HAO2: variants seen among roughly 807,000 people sequenced by gnomAD.
HAO2 encodes the protein 2-Hydroxyacid oxidase 2.
A neutral mutation model predicts 37.4 loss-of-function variants in HAO2; 42 were observed. The ratio of observed to expected loss-of-function variants is 1.12; its 90% CI spans 0.88 to 1.45. The LOEUF is 1.45. HAO2 is among the 40% of genes most tolerant of loss of function. HAO2 has a pLI of 0.00. For synonymous variants in HAO2, 180 were observed against 162.8 expected (o/e 1.11, Z -0.81); for missense variants, 476 against 430.2 (o/e 1.11, Z -0.94).
chr1:119,388,070 C>T (rs1650529446), intron 5 of HAO2, among the ~76,000 whole-genome samples: 1 of 152,168 alleles, frequency 6.6e-6, no homozygotes. Flanking sequence ...GGGTCTCCTG[C>T]TTTTCATCTC....
chr1:119,385,933 C>A, intron 4 of HAO2: 1 of 970,790 alleles, frequency 1.0e-6, no homozygotes, highest in South Asian at 4.8e-5. Flanking sequence ...TTGCTTAGTT[C>A]TTATCCTGGG....
chr1:119,385,510 AG>A (rs1386038525), intron 4 of HAO2: 21 of 821,574 alleles, frequency 2.6e-5, no homozygotes, highest in Non-Finnish European at 2.6e-5. Context: ...TAGACAGGCC[AG>A]GTTCTACCTT....
intron 5 of HAO2, 150 bp from the exon 6 acceptor site, chr1:119,391,960 A>G (rs1182572302): frequency 3.6e-6 from 2 of 549,468 alleles, no homozygotes; most frequent in Non-Finnish European, 6.3e-6. Flanking sequence ...CTGCCGCTGC[A>G]GTTGATCAGC....
intron 1 of HAO2, among the ~76,000 whole-genome samples, chr1:119,369,349 A>G (rs1648774799): frequency 6.6e-6 from 1 of 152,234 alleles, no homozygotes; most frequent in Admixed American, 6.5e-5. Flanking sequence ...GTCTCAAACA[A>G]TGTAGTTCCT....
At chr1:119,376,989 C>T (rs1649525916) in intron 1 of HAO2, among the ~76,000 whole-genome samples, 1 of 152,218 alleles carries the variant, frequency 6.6e-6, no homozygotes, top group East Asian at 1.9e-4. Context: ...CTCCTCGTTA[C>T]ATATGCAAAT....
chr1:119,388,655 C>T (rs1557855239), intron 5 of HAO2, among the ~76,000 whole-genome samples: 1 of 152,190 alleles, frequency 6.6e-6, no homozygotes, highest in African/African-American at 2.4e-5. Flanking sequence ...CCTCACTTGC[C>T]TCACCTTAAT....
intron 5 of HAO2, among the ~76,000 whole-genome samples, 170 bp from the exon 6 acceptor site, chr1:119,391,940 A>G (rs1157498841): frequency 1.3e-5 from 2 of 152,156 alleles, no homozygotes; most frequent in African/African-American, 4.8e-5. Context: ...GGAGGGCCTC[A>G]GGAATGTGAC....
chr1:119,386,628 G>A lies in HAO2; in HGVS notation c.568G>A (p.Ala190Thr), dbSNP rs1329680904. ...CCCTTTTTATTTCCTATAGGGAAAT[G>A]CAATACCTTATTTCCAGATGACTCC... ...TDLQSPKKGN[A>T]IPYFQMTPIS... Residue 190 changes from alanine to threonine, a missense_variant, in exon 5 of 8, where the codon GCA becomes ACA. Transcript: ENST00000325945. The A allele has an allele frequency of 3.8e-6, 6 of 1,592,728 alleles. No individual in the cohort carries two copies. Among genetic ancestry groups the A allele is most frequent in the East Asian group, 4.5e-5 (2 of 44,756 alleles).
intron 1 of HAO2, among the ~76,000 whole-genome samples, chr1:119,378,781 T>C (rs1007490462): frequency 6.6e-6 from 1 of 152,088 alleles, no homozygotes; most frequent in Non-Finnish European, 1.5e-5. Context: ...GTGTAATGTA[T>C]AGGATATGTG....
intron 5 of HAO2, among the ~76,000 whole-genome samples, chr1:119,387,678 A>G (rs587699459): frequency 6.6e-6 from 1 of 152,214 alleles, no homozygotes; most frequent in Non-Finnish European, 1.5e-5. Flanking sequence ...TTAGCATTAT[A>G]TTAAGAGCAA....
intron 1 of HAO2, among the ~76,000 whole-genome samples, chr1:119,371,332 T>C (rs974539565): frequency 5.3e-5 from 8 of 152,204 alleles, no homozygotes; most frequent in African/African-American, 1.9e-4. Flanking sequence ...CACTGGATTG[T>C]TGTAAGCACC....
At position 119,384,822 on chromosome 1, in the gene HAO2, C is replaced by A. The variant is rs888276554; in HGVS notation, c.330C>A (p.Ser110Arg). 1.2e-6 allele frequency: 2 copies of A among 1,613,876 alleles called. No homozygotes were observed. The highest frequency in any genetic ancestry group is 1.3e-5 in the African/African-American group (1 of 75,052). The change falls in exon 4 of 8, where the codon AGC becomes AGA. Residue 110 changes from serine (S) to arginine (R), a missense_variant. Transcript: ENST00000325945. ...GICYITSTFA[S>R]CSLEDIVIAA... is the part of the protein sequence containing the mutation. The stretch of plus-strand genomic sequence containing the variant: ...GCTACATCACCAGCACATTTGCCAG[C>A]TGTAGCCTTGAAGACATTGTCATTG...
chr1:119,385,274 G>C (rs1650289403), intron 4 of HAO2: 2 of 985,288 alleles, frequency 2.0e-6, no homozygotes, highest in Non-Finnish European at 2.4e-6. Flanking sequence ...CTCACCCTTG[G>C]AGCTGCCCAA....
chr1:119,371,488 G>A (rs1444399377), intron 1 of HAO2, among the ~76,000 whole-genome samples: 1 of 152,158 alleles, frequency 6.6e-6, no homozygotes, highest in Non-Finnish European at 1.5e-5. Flanking sequence ...AGAAAGCAAA[G>A]TTGCATATGT....
chr1:119,386,655 A>G lies in HAO2; in HGVS notation c.595A>G (p.Ile199Val), dbSNP rs1252792132. Residue 199 changes from isoleucine to valine, a missense_variant, in exon 5 of 8, where the codon ATC (isoleucine) becomes GTC (valine). Physicochemically the swap from Ile to Val is conservative, Grantham distance 29. Transcript: ENST00000325945. Reference protein sequence around the residue: ...NAIPYFQMTPISTSLCWNDLS... With the variant: ...NAIPYFQMTPVSTSLCWNDLS... ...AATACCTTATTTCCAGATGACTCCT[A>G]TCAGCACTTCTCTCTGCTGGAATGA... The G allele has an allele frequency of 2.5e-6, 4 of 1,612,082 alleles. No homozygotes were observed. The Admixed American group carries it at 6.7e-5, about 27-fold the overall frequency.
chr1:119,383,495 A>G (rs2101226014), intron 3 of HAO2, among the ~76,000 whole-genome samples: 1 of 152,312 alleles, frequency 6.6e-6, no homozygotes, highest in Admixed American at 6.5e-5. Flanking sequence ...TTAGGTCCTA[A>G]CACAAGGCCC....
At chr1:119,390,722 G>A (rs1337194121) in intron 5 of HAO2, among the ~76,000 whole-genome samples, 1 of 152,186 alleles carries the variant, frequency 6.6e-6, no homozygotes, top group Non-Finnish European at 1.5e-5. Flanking sequence ...ATTCATTAGA[G>A]TCTTCTGGGG....
intron 2 of HAO2, among the ~76,000 whole-genome samples, chr1:119,382,452 T>C (rs1349359788): frequency 6.6e-6 from 1 of 152,214 alleles, no homozygotes; most frequent in Non-Finnish European, 1.5e-5. Flanking sequence ...AATCACTCCC[T>C]GGGATTTGTT....
intron 1 of HAO2, among the ~76,000 whole-genome samples, chr1:119,372,871 G>C (rs1284053438): frequency 1.3e-5 from 2 of 152,208 alleles, no homozygotes; most frequent in East Asian, 1.9e-4. Flanking sequence ...TGCTGAACTA[G>C]AATGTTCATA....
Sources: gnomAD v4.1 joint callset for allele counts (sites outside exome capture counted in the v4.1 genomes callset) on GRCh38, gnomAD v4.1.1 for gene constraint, MANE v1.5 for transcripts, NCBI Gene and HGNC (gene_info 2026-07-23, HGNC 2026-07-21) for gene names.